Variants in XRRA1 observed in about 807,000 individuals in gnomAD.
XRRA1 encodes the protein X-ray radiation resistance-associated protein 1.
In XRRA1, 69 loss-of-function variants were observed where a neutral mutation model predicts 80.2. The observed-to-expected ratio is 0.86, with a 90% CI of 0.71 to 1.05. The LOEUF is 1.05. Among genes scored for constraint, XRRA1 ranks in the 50% least tolerant of loss-of-function variants. The pLI is 0.00. For missense variants in XRRA1, 967 were observed against 976.4 expected, an observed-to-expected ratio of 0.99 and a Z score of 0.13; for synonymous variants, 348 against 389.9, an observed-to-expected ratio of 0.89 and a Z score of 1.27.
chr11:74,939,668 G>C (rs1565454009), intron 3 of XRRA1, among the ~76,000 whole-genome samples: 4 of 152,200 alleles, frequency 2.6e-5, no homozygotes, highest in African/African-American at 9.7e-5. Context: ...TTTCACTGGA[G>C]AATGGTATTT....
intron 10 of XRRA1, among the ~76,000 whole-genome samples, chr11:74,883,385 G>T (rs1203092354): frequency 2.0e-5 from 3 of 152,072 alleles, no homozygotes; most frequent in African/African-American, 7.2e-5. Flanking sequence ...CACGGTGTGC[G>T]CACCCACTGA....
intron 10 of XRRA1, among the ~76,000 whole-genome samples, chr11:74,888,318 G>A (rs1280192465): frequency 7.2e-5 from 11 of 152,172 alleles, no homozygotes; most frequent in Admixed American, 3.9e-4. Flanking sequence ...ACAGGGTCTA[G>A]AGTGGACCTC....
At chr11:74,917,963 T>C (rs1396695229) in intron 8 of XRRA1, among the ~76,000 whole-genome samples, 1 of 111,552 alleles carries the variant, frequency 9.0e-6, no homozygotes, top group African/African-American at 3.7e-5. Context: ...TAATTGCTGT[T>C]ATACCTTGAG....
At chr11:74,845,399 G>A (rs188536305) in intron 15 of XRRA1, 128 bp from the exon 16 acceptor site, 1 of 884,324 alleles carries the variant, frequency 1.1e-6, no homozygotes, top group Admixed American at 2.8e-5. Context: ...ACCAAGACTG[G>A]GATGGAAGAA....
intron 10 of XRRA1, among the ~76,000 whole-genome samples, chr11:74,891,665 A>C (rs1357268007): frequency 1.3e-5 from 2 of 152,178 alleles, no homozygotes; most frequent in African/African-American, 4.8e-5. Flanking sequence ...CCATTGTCTC[A>C]GCCCAAAATC....
chr11:74,894,632 A>G (rs929230568), intron 10 of XRRA1, among the ~76,000 whole-genome samples: 2 of 152,204 alleles, frequency 1.3e-5, no homozygotes, highest in Non-Finnish European at 2.9e-5. Context: ...AGAACTCACT[A>G]TCATGAGAAC....
chr11:74,930,988 G>C (rs1230649556), intron 5 of XRRA1, among the ~76,000 whole-genome samples: 1 of 151,892 alleles, frequency 6.6e-6, no homozygotes, highest in African/African-American at 2.4e-5. Flanking sequence ...TGTATTTTTA[G>C]CTGAGATGGG....
intron 8 of XRRA1, among the ~76,000 whole-genome samples, chr11:74,908,888 T>C (rs975860271): frequency 1.3e-5 from 2 of 152,204 alleles, no homozygotes; most frequent in Non-Finnish European, 2.9e-5. Context: ...CAGCCATGTT[T>C]CCCATCATGA....
intron 12 of XRRA1, among the ~76,000 whole-genome samples, chr11:74,856,653 G>A (rs2041177525): frequency 6.6e-6 from 1 of 152,204 alleles, no homozygotes; most frequent in Admixed American, 6.5e-5. Flanking sequence ...ACCCCTTTAA[G>A]CTGCAGACAT....
At chr11:74,943,557 G>GTGTGTGTGTGTGTGTGTGTGTA (rs1946844055) in intron 2 of XRRA1, among the ~76,000 whole-genome samples, 1 of 149,046 alleles carries the variant, frequency 6.7e-6, no homozygotes, top group Non-Finnish European at 1.5e-5. Context: ...GTGTGTGTGT[G>GTGTGTGTGTGTGTGTGTGTGTA]TGTGTATGTG....
At chr11:74,865,071 T>C (rs1261881996) in intron 10 of XRRA1, among the ~76,000 whole-genome samples, 1 of 151,864 alleles carries the variant, frequency 6.6e-6, no homozygotes, top group African/African-American at 2.4e-5. Flanking sequence ...AATTATCCTA[T>C]CTGTGCTGAG....
At position 74,841,521 on chromosome 11, in the gene XRRA1, A is replaced by G. The variant is rs756885489; in HGVS notation, c.*1679T>C. ...GCAGATTGTTCTATGTATTATCAGT[A>G]TTTTTTTCCTCTTAAGAAAAAAATT... On this transcript the variant is annotated 3_prime_UTR_variant, in exon 19 of 19. Coordinates refer to ENST00000684022, the MANE Select transcript of XRRA1 (RefSeq NM_001378157.1). The G allele has an allele frequency of 6.6e-6, 1 of 152,140 alleles. No homozygotes were observed. Among genetic ancestry groups the G allele is most frequent in the Non-Finnish European group, 1.5e-5 (1 of 68,004 alleles). 9.4% of individuals were successfully genotyped at this position (152,140 alleles called of 1,614,324 possible).
At chr11:74,868,687 G>T (rs1449261578) in intron 10 of XRRA1, among the ~76,000 whole-genome samples, 1 of 151,742 alleles carries the variant, frequency 6.6e-6, no homozygotes, top group Non-Finnish European at 1.5e-5. Flanking sequence ...AAAAGCAGGG[G>T]TTGTTGAAAT....
chr11:74,899,943 A>G (rs912855929), intron 10 of XRRA1, among the ~76,000 whole-genome samples: 1 of 152,066 alleles, frequency 6.6e-6, no homozygotes, highest in Non-Finnish European at 1.5e-5. Context: ...ACAAACACAC[A>G]TTAAAAAAAA....
Position 74,843,395 on chromosome 11 carries a change from C to T in XRRA1, c.2208G>A (p.Glu736=). 1 of 1,612,670 alleles carries T rather than the reference C, an allele frequency of 6.2e-7. No homozygotes were observed. The highest frequency in any genetic ancestry group is 8.5e-7 in the Non-Finnish European group (1 of 1,179,394). The part of the protein sequence containing the change: ...RRLVNHKQYL[E]AKRLLKEFQA... ...GGAACTCCTTCAACAGCCTCTTGGC[C>T]TCCAGGTACTGCTTGTGGTTCACCA... Residue 736 remains glutamate, a synonymous_variant, in exon 19 of 19, where the codon GAG becomes GAA. Transcript: ENST00000684022.
intron 12 of XRRA1, among the ~76,000 whole-genome samples, chr11:74,856,879 G>GA (rs2041228759): frequency 1.3e-5 from 2 of 152,226 alleles, no homozygotes; most frequent in African/African-American, 4.8e-5. Context: ...CTTGGGTAGG[G>GA]AAAAAATTAA....
intron 12 of XRRA1, 119 bp downstream of exon 12, chr11:74,859,039 G>A (rs1364434564): frequency 7.5e-7 from 1 of 1,330,958 alleles, no homozygotes; most frequent in Non-Finnish European, 9.8e-7. Flanking sequence ...GAGAATTCCT[G>A]AGCCCATGTA....
At chr11:74,945,478 A>G (rs1288086448) in intron 1 of XRRA1, among the ~76,000 whole-genome samples, 1 of 152,224 alleles carries the variant, frequency 6.6e-6, no homozygotes, top group Non-Finnish European at 1.5e-5. Flanking sequence ...TGCATATAAT[A>G]CAAAAGATGA....
intron 4 of XRRA1, among the ~76,000 whole-genome samples, chr11:74,935,956 C>A (rs1040419766): frequency 6.6e-6 from 1 of 152,130 alleles, no homozygotes; most frequent in African/African-American, 2.4e-5. Flanking sequence ...TCCTCATTCC[C>A]AATGAGAAGT....
Sources: allele counts gnomAD v4.1 joint callset (sites outside exome capture counted in the v4.1 genomes callset), GRCh38; gene constraint gnomAD v4.1.1; transcripts MANE v1.5; gene names NCBI Gene and HGNC (gene_info 2026-07-23, HGNC 2026-07-21).